CDH13: variants seen among roughly 807,000 people sequenced by gnomAD.
CDH13 encodes the protein cadherin-13.
A neutral mutation model predicts 63.8 loss-of-function variants in CDH13; 24 were observed. The observed-to-expected ratio is 0.38, with a 90% CI of 0.27 to 0.53. The LOEUF is 0.53. Ranked by LOEUF, CDH13 falls within the 20% of genes least tolerant of loss-of-function variation. The pLI is 0.85. For synonymous variants in CDH13, 503 were observed against 355.3 expected, an observed-to-expected ratio of 1.42 and a Z score of -4.67; for missense variants, 1,049 against 903.1, an observed-to-expected ratio of 1.16 and a Z score of -2.07.
intron 4 of CDH13, among the ~76,000 whole-genome samples, chr16:83,187,394 T>A (rs577544918): frequency 6.6e-6 from 1 of 152,260 alleles, no homozygotes; most frequent in East Asian, 2.0e-4. Flanking sequence ...AAATGCCAGC[T>A]GATTTAGGTT....
At chr16:83,533,880 C>T (rs979546143) in intron 7 of CDH13, among the ~76,000 whole-genome samples, 1 of 152,060 alleles carries the variant, frequency 6.6e-6, no homozygotes, top group South Asian at 2.1e-4. Flanking sequence ...CTCAGCCTCC[C>T]GAGCTGCTGG....
At chr16:83,352,222 G>C (rs2151376402) in intron 6 of CDH13, among the ~76,000 whole-genome samples, 1 of 151,834 alleles carries the variant, frequency 6.6e-6, no homozygotes, top group East Asian at 1.9e-4. Context: ...CACGTTTTAT[G>C]AAAGAGTTGC....
intron 7 of CDH13, among the ~76,000 whole-genome samples, chr16:83,597,020 C>T (rs1907326978): frequency 1.3e-5 from 2 of 152,160 alleles, no homozygotes; most frequent in Admixed American, 1.3e-4. Flanking sequence ...CCCAGGAGTT[C>T]AAGACCAGCC....
At chr16:83,540,756 C>T (rs1007972922) in intron 7 of CDH13, among the ~76,000 whole-genome samples, 1 of 152,120 alleles carries the variant, frequency 6.6e-6, no homozygotes, top group African/African-American at 2.4e-5. Context: ...GGCAGTCAGC[C>T]ACAGCTGGAA....
chr16:83,732,391 A>G (rs1296686010), intron 10 of CDH13, among the ~76,000 whole-genome samples: 1 of 152,176 alleles, frequency 6.6e-6, no homozygotes, highest in East Asian at 1.9e-4. Context: ...GAGCCTGGCT[A>G]GCTTTGGACT....
rs557757332 is a variant in CDH13, at chr16:83,468,056, C to A, written c.782-18421C>A. 6.8e-4 allele frequency among the ~76,000 whole-genome samples: 104 copies of A among 152,360 alleles called. 1 individual carries two copies. Among genetic ancestry groups the A allele is most frequent in the African/African-American group, 2.4e-3 (101 of 41,596 alleles). ...GAGGAAGCATCTCACAAACTGTCTT[C>A]TCTCTTGCTTCCATGCCCTTTTGGC... On this transcript the variant is annotated intron_variant, in intron 6 of 13. Coordinates refer to ENST00000567109, the MANE Select transcript of CDH13 (RefSeq NM_001257.5).
At chr16:82,710,439 G>C (rs1245568915) in intron 1 of CDH13, among the ~76,000 whole-genome samples, 22 of 143,876 alleles carry the variant, frequency 1.5e-4, no homozygotes, top group Non-Finnish European at 2.9e-4. Context: ...GGCTGAGACA[G>C]GAGAATGGCG....
intron 5 of CDH13, among the ~76,000 whole-genome samples, chr16:83,286,347 T>A (rs1323602615): frequency 6.6e-6 from 1 of 152,224 alleles, no homozygotes; most frequent in African/African-American, 2.4e-5. Context: ...AAGAGTTCTA[T>A]CCTCAGGGCA....
intron 7 of CDH13, among the ~76,000 whole-genome samples, chr16:83,521,394 T>G (rs1263078890): frequency 1.3e-5 from 2 of 152,194 alleles, no homozygotes; most frequent in South Asian, 2.1e-4. Flanking sequence ...AATTGTATTT[T>G]TATGCTAATA....
At chr16:83,093,105 A>G (rs1008607897) in intron 3 of CDH13, among the ~76,000 whole-genome samples, 33 of 152,050 alleles carry the variant, frequency 2.2e-4, no homozygotes, top group Admixed American at 2.2e-3. Context: ...CTCAACCTCC[A>G]TCTATAAAAG....
chr16:82,846,636 C>A (rs147097024), intron 1 of CDH13, among the ~76,000 whole-genome samples: 1 of 152,198 alleles, frequency 6.6e-6, no homozygotes, highest in Non-Finnish European at 1.5e-5. Flanking sequence ...TACTTTTTAA[C>A]TGATTCTCAA....
chr16:83,339,180 T>C (rs2090667440), intron 5 of CDH13, among the ~76,000 whole-genome samples: 1 of 151,900 alleles, frequency 6.6e-6, no homozygotes, highest in Non-Finnish European at 1.5e-5. Flanking sequence ...GTTGATAGAG[T>C]GGCTGCGGAT....
intron 10 of CDH13, among the ~76,000 whole-genome samples, chr16:83,720,155 G>A (rs1032108958): frequency 5.9e-5 from 9 of 152,176 alleles, no homozygotes; most frequent in Admixed American, 4.6e-4. Flanking sequence ...TGCCAGCTCT[G>A]CCTGACCTTG....
intron 4 of CDH13, among the ~76,000 whole-genome samples, chr16:83,140,574 C>T (rs1460429242): frequency 6.6e-6 from 1 of 152,148 alleles, no homozygotes; most frequent in East Asian, 1.9e-4. Context: ...CTGCCTCAGC[C>T]CCCAGGGTAG....
At chr16:83,373,753 T>G (rs909820782) in intron 6 of CDH13, among the ~76,000 whole-genome samples, 1 of 152,224 alleles carries the variant, frequency 6.6e-6, no homozygotes, top group East Asian at 1.9e-4. Flanking sequence ...TTGAGGGATC[T>G]TCGATAAAAT....
intron 2 of CDH13, among the ~76,000 whole-genome samples, chr16:82,993,048 G>A (rs1156282664): frequency 6.6e-6 from 1 of 152,042 alleles, no homozygotes; most frequent in African/African-American, 2.4e-5. Context: ...TATTTTGTTT[G>A]TTTGTTTCCT....
intron 8 of CDH13, among the ~76,000 whole-genome samples, chr16:83,652,575 C>G (rs1555508744): frequency 6.6e-6 from 1 of 151,358 alleles, no homozygotes; most frequent in Non-Finnish European, 1.5e-5. Context: ...TCATTGTACC[C>G]CCTCTTTACT....
intron 7 of CDH13, among the ~76,000 whole-genome samples, chr16:83,507,138 A>G (rs573402275): frequency 2.8e-4 from 43 of 152,252 alleles, no homozygotes; most frequent in African/African-American, 8.9e-4. Context: ...TCCTCTGTGG[A>G]CTTTTTCTGG....
At chr16:83,049,802 C>A (rs904210273) in intron 3 of CDH13, among the ~76,000 whole-genome samples, 1 of 152,114 alleles carries the variant, frequency 6.6e-6, no homozygotes, top group Non-Finnish European at 1.5e-5. Flanking sequence ...AACACTGCTA[C>A]CAACCTGTGT....
Sources: allele counts gnomAD v4.1 joint callset (sites outside exome capture counted in the v4.1 genomes callset), GRCh38; gene constraint gnomAD v4.1.1; transcripts MANE v1.5; gene names NCBI Gene and HGNC (gene_info 2026-07-23, HGNC 2026-07-21).